Variants in MMP16 observed in about 807,000 individuals in gnomAD.
MMP16 encodes the protein matrix metallopeptidase 16, also known as matrix metalloproteinase-16.
In MMP16, 12 loss-of-function variants were observed where a neutral mutation model predicts 67.8. The ratio of observed to expected loss-of-function variants is 0.18; its 90% CI spans 0.11 to 0.29. The LOEUF is 0.29. MMP16 is among the 10% of genes least tolerant of loss of function. The probability of loss-of-function intolerance (pLI) is 1.00; values close to 1 mark genes in which losing one functional copy is unlikely to be tolerated. For missense variants in MMP16, 475 were observed against 765.7 expected, an observed-to-expected ratio of 0.62 and a Z score of 4.48; for synonymous variants, 249 against 255.9, an observed-to-expected ratio of 0.97 and a Z score of 0.26.
chr8:88,055,487 C>A (rs928240711), intron 8 of MMP16, among the ~76,000 whole-genome samples: 1 of 152,194 alleles, frequency 6.6e-6, no homozygotes, highest in Non-Finnish European at 1.5e-5. Context: ...GGATTACAGG[C>A]ATGAGCCAAC....
intron 1 of MMP16, among the ~76,000 whole-genome samples, chr8:88,235,551 T>C (rs1809927581): frequency 6.6e-6 from 1 of 152,182 alleles, no homozygotes; most frequent in Non-Finnish European, 1.5e-5. Flanking sequence ...TGTTTTTCTA[T>C]GACGTAGTAG....
At chr8:88,110,615 G>A (rs990740328) in intron 6 of MMP16, among the ~76,000 whole-genome samples, 2 of 151,504 alleles carry the variant, frequency 1.3e-5, no homozygotes, top group African/African-American at 4.8e-5. Context: ...TGTGCTGTGT[G>A]ATTTCTGTAA....
intron 1 of MMP16, among the ~76,000 whole-genome samples, chr8:88,203,053 TG>T (rs1264888300): frequency 2.7e-5 from 4 of 149,690 alleles, no homozygotes; most frequent in Non-Finnish European, 5.9e-5. Context: ...ACTTGCAAAG[TG>T]GGGGGTGCAA....
rs61606557 is a variant in MMP16 at position 88,184,746 on chromosome 8, CAAAAAAAAAAAAAAAAAAAAAA to C, written c.404+1708_404+1729del. On this transcript the variant is annotated intron_variant, in intron 3 of 9. Transcript: ENST00000286614. ...TGAGCGACAGAGTGAGGCCCTGTCTCAAAAAAAAAAAAAAAAAAAAAAAAAAAAAAAAGAAAAGAAAAAAGAA... is the reference window on the plus strand; with the variant it reads ...TGAGCGACAGAGTGAGGCCCTGTCTCAAAAAAAAAAGAAAAGAAAAAAGAA... 8.0e-4 allele frequency among the ~76,000 whole-genome samples: 38 copies of C among 47,482 alleles called. 1 individual carries two copies. The highest frequency in any genetic ancestry group is 1.4e-3 in the Admixed American group (4 of 2,884). 31.2% of individuals were successfully genotyped at this position (47,482 alleles called of 152,430 possible). A position where few individuals can be genotyped will look rare whatever the true frequency, so the allele number is the denominator to read the frequency against.
intron 4 of MMP16, among the ~76,000 whole-genome samples, chr8:88,135,971 GA>G (rs1808112700): frequency 6.6e-6 from 1 of 151,550 alleles, no homozygotes; most frequent in South Asian, 2.1e-4. Flanking sequence ...TAAACAGGCA[GA>G]AAAAAGATAC....
At chr8:88,099,711 C>CA (rs1193757945) in intron 6 of MMP16, among the ~76,000 whole-genome samples, 3 of 151,596 alleles carry the variant, frequency 2.0e-5, no homozygotes, top group African/African-American at 7.3e-5. Context: ...AAACAAAAAA[C>CA]AAAAAACAGG....
chr8:88,158,565 G>T (rs76222007), intron 4 of MMP16, among the ~76,000 whole-genome samples: 2,615 of 123,526 alleles, frequency 0.021, no homozygotes, highest in South Asian at 0.032. Context: ...CTGCATATTA[G>T]CCCTTTGTCA....
At chr8:88,087,520 T>A (rs997634554) in intron 6 of MMP16, among the ~76,000 whole-genome samples, 2 of 151,888 alleles carry the variant, frequency 1.3e-5, no homozygotes, top group African/African-American at 4.9e-5. Flanking sequence ...GAGCTAGAGC[T>A]AGGGAGTATA....
chr8:88,138,405 C>A (rs1808158265), intron 4 of MMP16, among the ~76,000 whole-genome samples: 1 of 151,946 alleles, frequency 6.6e-6, no homozygotes, highest in Admixed American at 6.6e-5. Context: ...CAACCATGAG[C>A]CAACTGAAGA....
rs949502517 is a variant in MMP16 at position 88,058,072 on chromosome 8, G to T, written c.1223-1794C>A. On this transcript the variant is annotated intron_variant, in intron 7 of 9. Coordinates refer to ENST00000286614, the MANE Select transcript of MMP16 (RefSeq NM_005941.5). The surrounding 1 kb of genome is among the most constrained non-coding windows in gnomAD (Gnocchi z 4.2). ...ACACCAAAATCTAAAGAAAGAGAAG[G>T]TAATAAATATGCAAAGAATATTGGG... 3.3e-5 allele frequency among the ~76,000 whole-genome samples: 5 copies of T among 152,112 alleles called. No individual in the cohort carries two copies. The highest frequency in any genetic ancestry group is 7.4e-5 in the Non-Finnish European group (5 of 67,998).
intron 1 of MMP16, among the ~76,000 whole-genome samples, chr8:88,281,608 C>G (rs146555726): frequency 5.3e-4 from 80 of 152,310 alleles, no homozygotes; most frequent in African/African-American, 1.8e-3. Flanking sequence ...AGGGAGTCCA[C>G]AGTAGTCACT....
At chr8:88,252,648 A>C (rs77475346) in intron 1 of MMP16, among the ~76,000 whole-genome samples, 1 of 444 alleles carries the variant, frequency 2.3e-3, no homozygotes, top group Non-Finnish European at 0.056. Flanking sequence ...CCTCTTAGCA[A>C]AAAAAAAAAA....
intron 1 of MMP16, among the ~76,000 whole-genome samples, chr8:88,278,543 T>C (rs1810684346): frequency 6.6e-6 from 1 of 152,218 alleles, no homozygotes; most frequent in Non-Finnish European, 1.5e-5. Flanking sequence ...TTATAGCAGC[T>C]GTACACATGA....
chr8:88,038,802 G>A lies in MMP16; in HGVS notation c.*2659C>T, dbSNP rs192260913. On this transcript the variant is annotated 3_prime_UTR_variant, in exon 10 of 10. Coordinates refer to ENST00000286614, the MANE Select transcript of MMP16 (RefSeq NM_005941.5). The surrounding 1 kb of genome is among the most constrained non-coding windows in gnomAD (Gnocchi z 4.1). The stretch of plus-strand genomic sequence containing the variant: ...GAAGTAAAGCTACAGGGCTGACTCT[G>A]GTTCTCATTTCTTGCTTTCTTGGCC... 449 of 152,638 alleles carry A rather than the reference G, an allele frequency of 2.9e-3. 2 individuals carry two copies. The highest frequency in any genetic ancestry group is 4.7e-3 in the Non-Finnish European group (320 of 68,002). 9.5% of individuals were successfully genotyped at this position (152,638 alleles called of 1,614,324 possible).
intron 1 of MMP16, among the ~76,000 whole-genome samples, chr8:88,220,830 A>G (rs1353262268): frequency 2.0e-5 from 3 of 152,124 alleles, no homozygotes; most frequent in Non-Finnish European, 2.9e-5. Flanking sequence ...TATAAGTCCT[A>G]AAGGCATGAT....
intron 4 of MMP16, among the ~76,000 whole-genome samples, chr8:88,162,296 G>T (rs1808640176): frequency 6.6e-6 from 1 of 151,926 alleles, no homozygotes; most frequent in Non-Finnish European, 1.5e-5. Flanking sequence ...AAATGAAATA[G>T]ACTCAGTAAA....
chr8:88,223,696 TG>T (rs1809722731), intron 1 of MMP16, among the ~76,000 whole-genome samples: 1 of 75,566 alleles, frequency 1.3e-5, no homozygotes, highest in Admixed American at 2.2e-4. Flanking sequence ...TGTCATGGGG[TG>T]GGGGGAGGGG....
chr8:88,116,020 G>A (rs1809421953), intron 6 of MMP16, among the ~76,000 whole-genome samples: 1 of 152,056 alleles, frequency 6.6e-6, no homozygotes, highest in African/African-American at 2.4e-5. Context: ...GCTTCATAGA[G>A]GAGATTTAAC....
At chr8:88,086,281 G>C (rs981218162) in intron 6 of MMP16, among the ~76,000 whole-genome samples, 18 of 151,988 alleles carry the variant, frequency 1.2e-4, no homozygotes, top group Admixed American at 8.5e-4. Context: ...GTTAGGGAAA[G>C]TAGTCACAAA....
Sources: allele counts gnomAD v4.1 joint callset (sites outside exome capture counted in the v4.1 genomes callset), GRCh38; gene constraint gnomAD v4.1.1; non-coding constraint Gnocchi (gnomAD v3.1); transcripts MANE v1.5; gene names NCBI Gene and HGNC (gene_info 2026-07-23, HGNC 2026-07-21).